The following PIEZO2 variants were observed in gnomAD, a reference collection of about 807,000 sequenced individuals.
PIEZO2 encodes piezo-type mechanosensitive ion channel component 2.
PIEZO2 carries 172 observed loss-of-function variants against 337.3 expected under a neutral mutation model. The ratio of observed to expected loss-of-function variants is 0.51; its 90% confidence interval spans 0.45 to 0.58. PIEZO2 has a LOEUF of 0.58. Ranked by LOEUF, PIEZO2 falls within the 20% of genes least tolerant of loss-of-function variation. The probability of loss-of-function intolerance (pLI) is 0.00; values close to 1 mark genes in which losing one functional copy is unlikely to be tolerated. For synonymous variants in PIEZO2, 1,251 were observed against 1,228.5 expected (o/e 1.02, Z -0.38); for missense variants, 3,028 against 3,391.3 (o/e 0.89, Z 2.66).
In PIEZO2 at chr18:10,724,545, C is replaced by A; in HGVS notation, c.5030-6286G>T. 1 of 540,676 alleles carries A rather than the reference C, an allele frequency of 1.8e-6. No homozygotes were observed. Among genetic ancestry groups the A allele is most frequent in the East Asian group, 3.0e-5 (1 of 33,802 alleles). The allele number at this position is 540,676 out of a possible 1,614,324, so 33.5% of individuals were successfully genotyped here. A position where few individuals can be genotyped will look rare whatever the true frequency, so the allele number is the denominator to read the frequency against. The stretch of plus-strand genomic sequence containing the variant: ...ACCCACTCATGCTGGTCTCCACATA[C>A]CCTTCTGTGTCCCCAGAAGTCGACA... On this transcript the variant is annotated intron_variant, in intron 36 of 55. Coordinates refer to ENST00000674853, the MANE Select transcript of PIEZO2 (RefSeq NM_001378183.1). The surrounding 1 kb of genome is among the most constrained non-coding windows in gnomAD (Gnocchi z 5.8).
At position 11,096,518 on chromosome 18, in the gene PIEZO2, C is replaced by T. The variant is rs570609114; in HGVS notation, c.65-30296G>A. Among the ~76,000 whole-genome samples the T allele has an allele frequency of 5.3e-5, 8 of 152,268 alleles. No homozygotes were observed. Among genetic ancestry groups the T allele is most frequent in the South Asian group, 2.1e-4 (1 of 4,822 alleles). ...TTCCTCATTGATAAAACTGAAATGA[C>T]GCTTTACTAAGCATTCTCTGTGGCC... is the stretch of plus-strand genomic sequence containing the variant. On this transcript the variant is annotated intron_variant, in intron 1 of 55. Transcript: ENST00000674853. The surrounding 1 kb of genome is among the most constrained non-coding windows in gnomAD (Gnocchi z 4.6).
rs182962918 is a variant in PIEZO2, at chr18:10,967,663, G to A, written c.286+11872C>T. On this transcript the variant is annotated intron_variant, in intron 3 of 55. Coordinates refer to ENST00000674853, the MANE Select transcript of PIEZO2 (RefSeq NM_001378183.1). ...TAGGACTGAAGTGGTATCACACTGT[G>A]GTTTTGATTTGCATTTCACTGATAA... 2.3e-4 allele frequency among the ~76,000 whole-genome samples: 35 copies of A among 152,168 alleles called. No homozygotes were observed. In the East Asian group the frequency reaches 3.5e-3, roughly 15 times the overall value.
intron 7 of PIEZO2, among the ~76,000 whole-genome samples, chr18:10,832,455 A>C (rs1401337951): frequency 6.6e-6 from 1 of 152,186 alleles, no homozygotes; most frequent in African/African-American, 2.4e-5. Context: ...CTATTATGCT[A>C]ATACGAGAAA....
intron 3 of PIEZO2, among the ~76,000 whole-genome samples, chr18:10,960,289 A>G (rs1465701505): frequency 6.6e-6 from 1 of 152,214 alleles, no homozygotes. Flanking sequence ...GTATAGCAGG[A>G]AGCAAAAATT....
intron 7 of PIEZO2, among the ~76,000 whole-genome samples, chr18:10,825,012 C>T (rs1458106793): frequency 6.6e-6 from 1 of 151,950 alleles, no homozygotes; most frequent in Non-Finnish European, 1.5e-5. Flanking sequence ...TACAGGAACC[C>T]GCCACCATGC....
chr18:11,039,512 T>A (rs140010792), intron 2 of PIEZO2, among the ~76,000 whole-genome samples: 2 of 152,258 alleles, frequency 1.3e-5, no homozygotes, highest in Non-Finnish European at 2.9e-5. Flanking sequence ...CAAGCAAATA[T>A]CCTGAATACT....
chr18:10,904,080 C>T (rs899439796), intron 4 of PIEZO2, among the ~76,000 whole-genome samples: 8 of 152,126 alleles, frequency 5.3e-5, no homozygotes, highest in African/African-American at 1.9e-4. Flanking sequence ...TATGTGTAAA[C>T]ATAAAATATA....
rs2035912281 is a variant in PIEZO2 at position 10,713,891 on chromosome 18, T to C, written c.5423+873A>G. Among the ~76,000 whole-genome samples the C allele has an allele frequency of 6.6e-6, 1 of 152,148 alleles. No homozygotes were observed. Among genetic ancestry groups the C allele is most frequent in the Non-Finnish European group, 1.5e-5 (1 of 68,034 alleles). On this transcript the variant is annotated intron_variant, in intron 39 of 55. Coordinates refer to ENST00000674853, the MANE Select transcript of PIEZO2 (RefSeq NM_001378183.1). This position sits in a 1 kb window ranked among gnomAD's most constrained non-coding sequence, Gnocchi z 4.5. ...CTTCTGCTTTAATTTAGAATCTAGC[T>C]CTGTACAATTGTTATCAGCTATCTA...
At position 10,971,667 on chromosome 18, in the gene PIEZO2, T is replaced by C. The variant is rs539509617; in HGVS notation, c.286+7868A>G. 3.3e-5 allele frequency among the ~76,000 whole-genome samples: 5 copies of C among 152,338 alleles called. No individual in the cohort carries two copies. In the South Asian group the frequency reaches 1.0e-3, roughly 32 times the overall value. ...AGCATATACAGTCACTTCCGGCCAT[T>C]CATACTTTAACCAGAGTTAGTATAT... On this transcript the variant is annotated intron_variant, in intron 3 of 55. Transcript: ENST00000674853.
At chr18:10,922,791 A>G (rs893275191) in intron 3 of PIEZO2, among the ~76,000 whole-genome samples, 1 of 152,174 alleles carries the variant, frequency 6.6e-6, no homozygotes, top group Non-Finnish European at 1.5e-5. Context: ...TGCAGTTATT[A>G]CAAAATCCTT....
intron 4 of PIEZO2, among the ~76,000 whole-genome samples, chr18:10,898,343 C>A (rs1191322683): frequency 1.3e-5 from 2 of 152,110 alleles, no homozygotes; most frequent in East Asian, 1.9e-4. Context: ...ATGGCGTGAA[C>A]CCAGGAGGCA....
At chr18:11,017,603 C>A (rs1322774081) in intron 2 of PIEZO2, among the ~76,000 whole-genome samples, 3 of 151,538 alleles carry the variant, frequency 2.0e-5, no homozygotes, top group African/African-American at 7.3e-5. Flanking sequence ...CATTTATTTT[C>A]TCAGAGTTTA....
At chr18:10,909,998 C>T (rs368857731) in intron 4 of PIEZO2, among the ~76,000 whole-genome samples, 27 of 152,122 alleles carry the variant, frequency 1.8e-4, no homozygotes, top group African/African-American at 4.6e-4. Context: ...ATGGGTCTAC[C>T]GATGTGCTAT....
chr18:10,677,342 C>T lies in PIEZO2; in HGVS notation c.8081+405G>A, dbSNP rs1430125740. The stretch of plus-strand genomic sequence containing the variant: ...AAGTGATTCTCATGCCTCAGGCTCC[C>T]AAGTAGCTGGGAGTACAGATGTGCA... On this transcript the variant is annotated intron_variant, in intron 53 of 55. Coordinates refer to ENST00000674853, the MANE Select transcript of PIEZO2 (RefSeq NM_001378183.1). The surrounding 1 kb of genome is among the most constrained non-coding windows in gnomAD (Gnocchi z 4.1). 2.0e-5 allele frequency among the ~76,000 whole-genome samples: 3 copies of T among 152,154 alleles called. No homozygotes were observed. The highest frequency in any genetic ancestry group is 2.0e-4 in the Admixed American group (3 of 15,276).
At chr18:10,812,318 T>G (rs774940463) in intron 7 of PIEZO2, among the ~76,000 whole-genome samples, 16 of 151,892 alleles carry the variant, frequency 1.1e-4, no homozygotes, top group Non-Finnish European at 2.4e-4. Flanking sequence ...TAAGTGGGAG[T>G]TAAACACTGA....
At position 10,789,300 on chromosome 18, in the gene PIEZO2, C is replaced by T. The variant is rs2039333688; in HGVS notation, c.1948G>A (p.Glu650Lys). 3.3e-6 allele frequency: 5 copies of T among 1,537,370 alleles called. No homozygotes were observed. The highest frequency in any genetic ancestry group is 1.2e-5 in the South Asian group (1 of 84,064). Residue 650 changes from glutamate (E) to lysine (K), a missense_variant, in exon 15 of 56, where the codon GAA becomes AAA. Around this residue, in one of 5 missense-constraint regions of PIEZO2, gnomAD observed 1,925 missense variants for 2,051.9 expected, o/e 0.94. Coordinates refer to ENST00000674853, the MANE Select transcript of PIEZO2 (RefSeq NM_001378183.1). ...ACCTTCTTTCTCTCTTGCTTCTCTT[C>T]CTTCGCTTCCTCTTCTTCCTCCTCT... ...PKEEEEEEAKEEKQERKKVEQ... is the reference protein window; with the variant it reads ...PKEEEEEEAKKEKQERKKVEQ...
chr18:10,866,517 C>T (rs1001950877), intron 5 of PIEZO2, among the ~76,000 whole-genome samples: 2 of 152,174 alleles, frequency 1.3e-5, no homozygotes, highest in Non-Finnish European at 2.9e-5. Context: ...AATATCCCGA[C>T]CTCGTGATCT....
chr18:10,796,026 G>A (rs1219761889), intron 12 of PIEZO2, among the ~76,000 whole-genome samples: 1 of 151,982 alleles, frequency 6.6e-6, no homozygotes, highest in Non-Finnish European at 1.5e-5. Context: ...CAATTGGAAG[G>A]TGCTCTAGGG....
intron 1 of PIEZO2, among the ~76,000 whole-genome samples, chr18:11,145,657 G>A (rs2040791270): frequency 6.6e-6 from 1 of 152,166 alleles, no homozygotes; most frequent in Non-Finnish European, 1.5e-5. Context: ...TTGGGAGTAG[G>A]CAGACCAGAA....
Sources: gnomAD v4.1 joint callset for allele counts (sites outside exome capture counted in the v4.1 genomes callset) on GRCh38, gnomAD v4.1.1 for gene constraint, gnomAD v4.1.1 regional missense constraint, Gnocchi (gnomAD v3.1) non-coding constraint, MANE v1.5 for transcripts, NCBI Gene and HGNC (gene_info 2026-07-23, HGNC 2026-07-21) for gene names.